The following RGS5 variants were observed in gnomAD, a reference collection of about 807,000 sequenced individuals.
RGS5 encodes the protein regulator of G protein signaling 5, also known as regulator of G-protein signalling 5.
RGS5 carries 20 observed loss-of-function variants against 18.9 expected under a neutral mutation model. The ratio of observed to expected loss-of-function variants is 1.06; its 90% CI spans 0.74 to 1.54. The LOEUF (loss-of-function observed/expected upper bound fraction) is 1.54, where lower values mean the gene tolerates loss of function less well. Among genes scored for constraint, RGS5 ranks in the 40% most tolerant of loss-of-function variants. RGS5 has a pLI of 0.00. For missense variants in RGS5, 201 were observed against 211.8 expected (o/e 0.95, Z 0.32); for synonymous variants, 57 against 76.2 (o/e 0.75, Z 1.31).
intron 1 of RGS5, among the ~76,000 whole-genome samples, chr1:163,310,065 G>A (rs1203364878): frequency 6.6e-6 from 1 of 152,154 alleles, no homozygotes; most frequent in Non-Finnish European, 1.5e-5. Flanking sequence ...AAAATATTCA[G>A]TAAACCATGC....
At chr1:163,311,818 G>A (rs1398058948) in intron 1 of RGS5, among the ~76,000 whole-genome samples, 1 of 152,212 alleles carries the variant, frequency 6.6e-6, no homozygotes, top group Non-Finnish European at 1.5e-5. Context: ...TTACCAAAAT[G>A]TGACAAAGAC....
chr1:163,162,197 C>T lies in RGS5; in HGVS notation c.156-221G>A, dbSNP rs371878977. ...ATTGCATATCTTCATCTTTTTTGAA[C>T]ATTTTGGTTAGGTCTTTCCCTTTTT... is the stretch of plus-strand genomic sequence containing the variant. On this transcript the variant is annotated intron_variant, in intron 2 of 4. Coordinates refer to ENST00000313961, the MANE Select transcript of RGS5 (RefSeq NM_003617.4). 6.6e-5 allele frequency among the ~76,000 whole-genome samples: 10 copies of T among 152,234 alleles called. No individual in the cohort carries two copies. The East Asian group carries it at 7.7e-4, about 12-fold the overall frequency.
chr1:163,208,247 C>T lies in RGS5; in HGVS notation c.69+9279G>A, dbSNP rs1659996487. The stretch of plus-strand genomic sequence containing the variant: ...CCTGTAGTTCCAGCTACTCCGGAGG[C>T]TGAGGCAGGAGAATGGCGTGAACCC... On this transcript the variant is annotated intron_variant, in intron 1 of 5. Transcript: ENST00000367903. Among the ~76,000 whole-genome samples, 28 of 103,928 alleles carry T rather than the reference C, an allele frequency of 2.7e-4. 1 individual carries two copies. In the South Asian group the frequency reaches 9.4e-3, roughly 35 times the overall value. The allele number at this position is 103,928 out of a possible 152,430, so 68.2% of individuals were successfully genotyped here.
chr1:163,302,692 C>T (rs1571351172), intron 2 of RGS5, among the ~76,000 whole-genome samples: 1 of 152,162 alleles, frequency 6.6e-6, no homozygotes, highest in African/African-American at 2.4e-5. Flanking sequence ...CACAGTCAAA[C>T]CAAATGACTA....
At chr1:163,162,123 C>A in intron 2 of RGS5, 147 bp from the exon 3 acceptor site, 1 of 614,134 alleles carries the variant, frequency 1.6e-6, no homozygotes, top group South Asian at 2.1e-5. Context: ...AAGTTATTTT[C>A]TCTCTAACAA....
chr1:163,158,912 A>G lies in RGS5; in HGVS notation c.217+3003T>C, dbSNP rs540915941. Reference sequence around the variant, plus strand: ...CTGGGGCTTATTGCATCCCTCAACTACGATCATAAAAGACAGCCGTTCCCA... The same window carrying G: ...CTGGGGCTTATTGCATCCCTCAACTGCGATCATAAAAGACAGCCGTTCCCA... On this transcript the variant is annotated intron_variant, in intron 3 of 4. Coordinates refer to ENST00000313961, the MANE Select transcript of RGS5 (RefSeq NM_003617.4). Among the ~76,000 whole-genome samples, 3 of 152,248 alleles carry G rather than the reference A, an allele frequency of 2.0e-5. No homozygotes were observed. In the East Asian group the frequency reaches 5.8e-4, roughly 29 times the overall value.
intron 2 of RGS5, among the ~76,000 whole-genome samples, chr1:163,301,603 T>G (rs6662988): frequency 0.63 from 95,853 of 151,906 alleles, 30,689 homozygotes; most frequent in Non-Finnish European, 0.68. Context: ...AAAGTGCTGG[T>G]ATTAAAGGCG....
chr1:163,211,489 T>C (rs1267569336), intron 1 of RGS5: 1 of 152,120 alleles, frequency 6.6e-6, no homozygotes, highest in Non-Finnish European at 1.5e-5. Context: ...GGCATAGAAG[T>C]TTAGAAAGAT....
chr1:163,267,633 T>C (rs372314739), intron 2 of RGS5, among the ~76,000 whole-genome samples: 43 of 152,264 alleles, frequency 2.8e-4, no homozygotes, highest in Middle Eastern at 6.8e-3. Context: ...GGCACTCCTA[T>C]TGTGAGTCTG....
intron 1 of RGS5, among the ~76,000 whole-genome samples, chr1:163,202,010 C>A (rs1431103598): frequency 6.6e-6 from 1 of 152,130 alleles, no homozygotes; most frequent in Non-Finnish European, 1.5e-5. Flanking sequence ...AGCCTAGATA[C>A]CTAGGATTCT....
intron 2 of RGS5, among the ~76,000 whole-genome samples, chr1:163,271,887 T>C (rs1211177122): frequency 6.6e-6 from 1 of 152,192 alleles, no homozygotes; most frequent in Non-Finnish European, 1.5e-5. Flanking sequence ...CCAAAGTGAC[T>C]GCAGCATTTT....
At chr1:163,226,094 G>A (rs1647324592) in intron 2 of RGS5, among the ~76,000 whole-genome samples, 1 of 151,604 alleles carries the variant, frequency 6.6e-6, no homozygotes, top group Non-Finnish European at 1.5e-5. Context: ...CTAATTTTGT[G>A]TTTTTAGTAG....
Position 163,152,695 on chromosome 1 carries a change from C to G in RGS5, c.239G>C (p.Ser80Thr), listed in dbSNP as rs1557880075. Reference protein sequence around the residue: ...QNNYGLASFKSFLKSEFSEEN... With the variant: ...QNNYGLASFKTFLKSEFSEEN... ...CTCACTGAATTCAGACTTCAGGAAACTTTTGAAACTGGCAAGTCCATCTGG... is the reference window on the plus strand; with the variant it reads ...CTCACTGAATTCAGACTTCAGGAAAGTTTTGAAACTGGCAAGTCCATCTGG... The change falls in exon 4 of 5, where the codon AGT becomes ACT. Residue 80 changes from serine to threonine, a missense_variant. Ser to Thr is a moderately conservative substitution (Grantham distance 58). Coordinates refer to ENST00000313961, the MANE Select transcript of RGS5 (RefSeq NM_003617.4). 2 of 1,595,092 alleles carry G rather than the reference C, an allele frequency of 1.3e-6. No individual in the cohort carries two copies. Among genetic ancestry groups the G allele is most frequent in the South Asian group, 2.3e-5 (2 of 86,068 alleles).
intron 2 of RGS5, among the ~76,000 whole-genome samples, chr1:163,234,120 T>A (rs914375298): frequency 6.6e-6 from 1 of 152,216 alleles, no homozygotes; most frequent in African/African-American, 2.4e-5. Context: ...AACACAATGC[T>A]GAATAGAAGG....
chr1:163,300,304 G>A (rs1020004416), intron 2 of RGS5: 2 of 152,202 alleles, frequency 1.3e-5, no homozygotes, highest in Non-Finnish European at 2.9e-5. Flanking sequence ...AAACAAATGA[G>A]AGCTAAGTTC....
chr1:163,317,916 A>T (rs1323695733), intron 1 of RGS5, among the ~76,000 whole-genome samples: 1 of 151,506 alleles, frequency 6.6e-6, no homozygotes, highest in African/African-American at 2.4e-5. Context: ...GGTTATTGCC[A>T]TATTTGCTTG....
chr1:163,149,965 GC>G (rs1342576269), intron 4 of RGS5, among the ~76,000 whole-genome samples: 5 of 152,198 alleles, frequency 3.3e-5, no homozygotes, highest in Non-Finnish European at 5.9e-5. Context: ...GAGAGCTTTA[GC>G]TAGAGACTTG....
chr1:163,249,716 A>G (rs12128897), intron 2 of RGS5, among the ~76,000 whole-genome samples: 30,078 of 152,166 alleles, frequency 0.2, 3,400 homozygotes, highest in Non-Finnish European at 0.25. Flanking sequence ...GCTTGAAACC[A>G]GGAGGCAGAG....
At chr1:163,301,343 T>C (rs2101642327) in intron 2 of RGS5, among the ~76,000 whole-genome samples, 1 of 151,566 alleles carries the variant, frequency 6.6e-6, no homozygotes, top group South Asian at 2.1e-4. Flanking sequence ...AATGAGTCTT[T>C]TTTTTTTGAG....
Sources: gnomAD v4.1 joint callset for allele counts (sites outside exome capture counted in the v4.1 genomes callset) on GRCh38, gnomAD v4.1.1 for gene constraint, MANE v1.5 for transcripts, NCBI Gene and HGNC (gene_info 2026-07-23, HGNC 2026-07-21) for gene names.